The following DLG1 variants were observed in gnomAD, a reference collection of about 807,000 sequenced individuals.
DLG1 encodes the protein discs large MAGUK scaffold protein 1, also known as disks large homolog 1.
A neutral mutation model predicts 123.4 loss-of-function variants in DLG1; 42 were observed. The ratio of observed to expected loss-of-function variants is 0.34; its 90% confidence interval spans 0.27 to 0.44. DLG1 has a LOEUF of 0.44. DLG1 is among the 20% of genes least tolerant of loss of function. The pLI, the probability that DLG1 is intolerant of heterozygous loss-of-function variation, is 1.00. For synonymous variants in DLG1, 317 were observed against 356.2 expected, an observed-to-expected ratio of 0.89 and a Z score of 1.24; for missense variants, 942 against 1,082.6, an observed-to-expected ratio of 0.87 and a Z score of 1.82.
At chr3:197,165,045 A>C (rs1800734525) in intron 5 of DLG1, among the ~76,000 whole-genome samples, 1 of 152,232 alleles carries the variant, frequency 6.6e-6, no homozygotes, top group African/African-American at 2.4e-5. Context: ...TTAAGTAAAA[A>C]AGGGAAGATG....
At chr3:197,202,080 C>G (rs1009468874) in intron 4 of DLG1, among the ~76,000 whole-genome samples, 4 of 152,096 alleles carry the variant, frequency 2.6e-5, no homozygotes, top group African/African-American at 7.2e-5. Context: ...CCTGGAAGCC[C>G]TCATTTCACC....
rs1041772890 is a variant in DLG1 at position 197,150,402 on chromosome 3, C to T, written c.484-606G>A. Among the ~76,000 whole-genome samples the T allele has an allele frequency of 5.3e-5, 8 of 151,914 alleles. 1 individual carries two copies. The highest frequency in any genetic ancestry group is 1.7e-4 in the African/African-American group (7 of 41,372). On this transcript the variant is annotated intron_variant, in intron 5 of 24. Transcript: ENST00000667157. ...CAAGAAAAATAAGCAGAATAACACACACCTAGTTAAGTTTGGATTGAAAAA... is the reference window on the plus strand; with the variant it reads ...CAAGAAAAATAAGCAGAATAACACATACCTAGTTAAGTTTGGATTGAAAAA...
intron 5 of DLG1, chr3:197,161,556 G>C: frequency 1.2e-6 from 1 of 820,616 alleles, no homozygotes; most frequent in Non-Finnish European, 1.8e-6. Context: ...ACAAAAAACA[G>C]CTCAAACAGT....
At chr3:197,127,343 A>G (rs1246970957) in intron 11 of DLG1, among the ~76,000 whole-genome samples, 1 of 143,948 alleles carries the variant, frequency 6.9e-6, no homozygotes, top group African/African-American at 2.6e-5. Flanking sequence ...GGATCGCTTG[A>G]ACCTGGGAGG....
intron 5 of DLG1, among the ~76,000 whole-genome samples, chr3:197,190,597 C>A (rs750583476): frequency 4.6e-5 from 7 of 152,186 alleles, no homozygotes; most frequent in Non-Finnish European, 8.8e-5. Context: ...TGTGCCCGCA[C>A]ATTAGAAACA....
At chr3:197,068,575 A>C (rs778318142) in intron 19 of DLG1, 1 of 1,410,004 alleles carries the variant, frequency 7.1e-7, no homozygotes, top group African/African-American at 1.4e-5. Flanking sequence ...GAAAGTTAGA[A>C]AAGTAATTTT....
At chr3:197,262,390 C>T (rs890495340) in intron 4 of DLG1, among the ~76,000 whole-genome samples, 1 of 152,212 alleles carries the variant, frequency 6.6e-6, no homozygotes, top group Admixed American at 6.5e-5. Flanking sequence ...CCTTCCAGAC[C>T]TTGCCCTATG....
chr3:197,184,240 C>T (rs1021520440), intron 5 of DLG1: 6 of 407,166 alleles, frequency 1.5e-5, no homozygotes, highest in African/African-American at 6.5e-5. Flanking sequence ...TAATGCACTG[C>T]GTGGAAAAAC....
At chr3:197,145,080 C>CAT in intron 6 of DLG1, among the ~76,000 whole-genome samples, 1 of 151,902 alleles carries the variant, frequency 6.6e-6, no homozygotes, top group Non-Finnish European at 1.5e-5. Flanking sequence ...CACACACACA[C>CAT]GTAAAATCTC....
chr3:197,289,837 GA>G (rs1239999719), intron 3 of DLG1, among the ~76,000 whole-genome samples: 3 of 152,148 alleles, frequency 2.0e-5, no homozygotes, highest in African/African-American at 7.2e-5. Flanking sequence ...CTAAAGAAAG[GA>G]AAGATGTCAA....
intron 19 of DLG1, chr3:197,068,471 A>C (rs145968258): frequency 5.5e-6 from 8 of 1,466,376 alleles, no homozygotes; most frequent in Non-Finnish European, 7.5e-6. Flanking sequence ...AACATGAAAA[A>C]GTATTAGGGA....
At chr3:197,065,964 GCT>G (rs1169609400) in intron 20 of DLG1, among the ~76,000 whole-genome samples, 155 bp from the exon 21 acceptor site, 1 of 152,076 alleles carries the variant, frequency 6.6e-6, no homozygotes, top group Non-Finnish European at 1.5e-5. Context: ...TGCGTAACTT[GCT>G]CTTTTATAAT....
intron 4 of DLG1, among the ~76,000 whole-genome samples, chr3:197,233,605 A>C (rs1325347414): frequency 1.3e-5 from 2 of 152,038 alleles, no homozygotes; most frequent in Non-Finnish European, 2.9e-5. Context: ...GGTTGGACTC[A>C]AACCCCTGAC....
At chr3:197,152,024 T>C (rs970073079) in intron 5 of DLG1, among the ~76,000 whole-genome samples, 7 of 152,236 alleles carry the variant, frequency 4.6e-5, no homozygotes, top group Non-Finnish European at 1.0e-4. Context: ...GTTGGAACTA[T>C]ACACAATGGT....
intron 14 of DLG1, among the ~76,000 whole-genome samples, chr3:197,095,357 T>A (rs1760069455): frequency 6.6e-6 from 1 of 152,122 alleles, no homozygotes; most frequent in African/African-American, 2.4e-5. Context: ...CATTTCAAAG[T>A]CATTTGTTGC....
At chr3:197,166,912 CACAAAACCAA>C (rs1024632378) in intron 5 of DLG1, among the ~76,000 whole-genome samples, 14 of 151,912 alleles carry the variant, frequency 9.2e-5, no homozygotes, top group Admixed American at 2.6e-4. Context: ...AAAACCACAA[CACAAAACCAA>C]ACAAAACCAA....
At chr3:197,127,844 A>G (rs1184051962) in intron 11 of DLG1, among the ~76,000 whole-genome samples, 5 of 152,110 alleles carry the variant, frequency 3.3e-5, no homozygotes, top group African/African-American at 1.2e-4. Context: ...TGTTTACACT[A>G]TATTAAGTAA....
In DLG1 at chr3:197,165,018, T is replaced by C. The variant is rs547098373; in HGVS notation, c.484-15222A>G. Among the ~76,000 whole-genome samples the C allele has an allele frequency of 8.5e-5, 13 of 152,148 alleles. No homozygotes were observed. The East Asian group carries it at 1.5e-3, about 18-fold the overall frequency. ...AACAGTTTATAAATTATATGGGACA[T>C]TGCTTATGACAAAACATTAAGTAAA... On this transcript the variant is annotated intron_variant, in intron 5 of 24. Transcript: ENST00000667157.
At chr3:197,103,823 T>G (rs1764872036) in intron 14 of DLG1, among the ~76,000 whole-genome samples, 2 of 151,906 alleles carry the variant, frequency 1.3e-5, no homozygotes, top group African/African-American at 4.8e-5. Flanking sequence ...GCTCCTTTAC[T>G]CACATCATCT....
Sources: allele counts gnomAD v4.1 joint callset (sites outside exome capture counted in the v4.1 genomes callset), GRCh38; gene constraint gnomAD v4.1.1; transcripts MANE v1.5; gene names NCBI Gene and HGNC (gene_info 2026-07-23, HGNC 2026-07-21).